LIFR: variants seen among roughly 807,000 people sequenced by gnomAD.
LIFR encodes leukemia inhibitory factor receptor.
LIFR carries 84 observed loss-of-function variants against 122.2 expected under a neutral mutation model. The observed-to-expected ratio is 0.69, with a 90% CI of 0.58 to 0.82. The LOEUF (loss-of-function observed/expected upper bound fraction) is 0.82, where lower values mean the gene tolerates loss of function less well. Ranked by LOEUF, LIFR falls within the 40% of genes least tolerant of loss-of-function variation. LIFR has a pLI of 0.00. For synonymous variants in LIFR, 422 were observed against 434.7 expected (o/e 0.97, Z 0.36); for missense variants, 1,294 against 1,311.6 (o/e 0.99, Z 0.21).
chr5:38,503,351 C>T lies in LIFR; in HGVS notation c.1438-552G>A, dbSNP rs149753693. Among the ~76,000 whole-genome samples, 746 of 152,128 alleles carry T rather than the reference C, an allele frequency of 4.9e-3. 7 individuals carry two copies. The highest frequency in any genetic ancestry group is 0.017 in the African/African-American group (726 of 41,520). On this transcript the variant is annotated intron_variant, in intron 10 of 19. Transcript: ENST00000453190. Reference sequence around the variant, plus strand: ...CTAAGTAAATATAGTTAAAATGAAACATTTCTAAACAAATTTGAATATCTG... The same window carrying T: ...CTAAGTAAATATAGTTAAAATGAAATATTTCTAAACAAATTTGAATATCTG...
At chr5:38,554,780 T>C (rs1185994635) in intron 1 of LIFR, among the ~76,000 whole-genome samples, 2 of 152,262 alleles carry the variant, frequency 1.3e-5, no homozygotes, top group African/African-American at 2.4e-5. Context: ...GTATCTTTTA[T>C]ATCTATTGAA....
chr5:38,497,908 AAAAC>A (rs1391194432), intron 12 of LIFR, among the ~76,000 whole-genome samples: 10 of 152,192 alleles, frequency 6.6e-5, no homozygotes, highest in Non-Finnish European at 1.5e-4. Flanking sequence ...TCACAATACT[AAAAC>A]AAATATTTTG....
Position 38,476,990 on chromosome 5 carries a change from T to A in LIFR, c.*4605A>T, listed in dbSNP as rs994617259. ...TAACCCAATATCATAATTACAAGGA[T>A]CTGGATATATTCTAGACCAAATCAC... On this transcript the variant is annotated 3_prime_UTR_variant, in exon 20 of 20. Transcript: ENST00000453190. 13 of 223,118 alleles carry A rather than the reference T, an allele frequency of 5.8e-5. No individual in the cohort carries two copies. The highest frequency in any genetic ancestry group is 2.9e-4 in the African/African-American group (13 of 44,834). 13.8% of individuals were successfully genotyped at this position (223,118 alleles called of 1,614,324 possible).
upstream of LIFR, among the ~76,000 whole-genome samples, chr5:38,559,877 T>C (rs181881592): frequency 2.0e-5 from 3 of 152,362 alleles, no homozygotes; most frequent in East Asian, 3.9e-4. Context: ...TTTGATAATT[T>C]ATTTTCTTTT....
At chr5:38,593,193 A>C (rs1749986148) in intron 1 of LIFR, among the ~76,000 whole-genome samples, 1 of 152,096 alleles carries the variant, frequency 6.6e-6, no homozygotes, top group Admixed American at 6.6e-5. Context: ...ACAGAGCTAG[A>C]CTCTGTCTCA....
rs1425743060 is a variant in LIFR, at chr5:38,479,386, T to C, written c.*2209A>G. 2 of 230,542 alleles carry C rather than the reference T, an allele frequency of 8.7e-6. No homozygotes were observed. The highest frequency in any genetic ancestry group is 1.7e-5 in the Non-Finnish European group (2 of 116,404). 14.3% of individuals were successfully genotyped at this position (230,542 alleles called of 1,614,324 possible). Reference sequence around the variant, plus strand: ...ACTTTTTTCATACAGAAAAAAACAATGAAGTCTTGGATAGAACGAAAGGAC... The same window carrying C: ...ACTTTTTTCATACAGAAAAAAACAACGAAGTCTTGGATAGAACGAAAGGAC... On this transcript the variant is annotated 3_prime_UTR_variant, in exon 20 of 20. Transcript: ENST00000453190.
At chr5:38,573,892 A>G (rs1187958013) in intron 1 of LIFR, among the ~76,000 whole-genome samples, 1 of 152,074 alleles carries the variant, frequency 6.6e-6, no homozygotes, top group African/African-American at 2.4e-5. Context: ...CCTGAGGGGT[A>G]TAGATCACTT....
rs1300395614 is a variant in LIFR, at chr5:38,506,623, T to C, written c.1001A>G (p.Asp334Gly). ...CTCACAATTCAGTTGTTGAGGAGTA[T>C]CTGGTGGATCTAACAGAAAAAAAAT... ...GTVIFAGYPP[D>G]TPQQLNCETH... Residue 334 changes from aspartate (D) to glycine (G), a missense_variant, in exon 8 of 20, where the codon GAT (aspartate) becomes GGT (glycine). Physicochemically the swap from Asp to Gly is moderately conservative, Grantham distance 94. Coordinates refer to ENST00000453190, the MANE Select transcript of LIFR (RefSeq NM_001127671.2). The C allele has an allele frequency of 6.2e-6, 10 of 1,612,624 alleles. No individual in the cohort carries two copies. Among genetic ancestry groups the C allele is most frequent in the Non-Finnish European group, 8.5e-6 (10 of 1,178,808 alleles).
chr5:38,565,863 C>T (rs965904584), intron 1 of LIFR, among the ~76,000 whole-genome samples: 7 of 152,144 alleles, frequency 4.6e-5, no homozygotes, highest in Non-Finnish European at 7.3e-5. Context: ...GGATTACAGG[C>T]GTGAGCCACT....
In LIFR at chr5:38,481,212, T is replaced by G; in HGVS notation, c.*383A>C. On this transcript the variant is annotated 3_prime_UTR_variant, in exon 20 of 20. Transcript: ENST00000453190. Reference sequence around the variant, plus strand: ...TTTCTCCCTGGCCTGCAAATCCACTTACAATTCCACCAAGTATACACATGA... The same window carrying G: ...TTTCTCCCTGGCCTGCAAATCCACTGACAATTCCACCAAGTATACACATGA... 3.4e-6 allele frequency: 1 copy of G among 294,896 alleles called. No individual in the cohort carries two copies. The highest frequency in any genetic ancestry group is 6.4e-6 in the Non-Finnish European group (1 of 156,206). The allele number at this position is 294,896 out of a possible 1,614,324, so 18.3% of individuals were successfully genotyped here.
At chr5:38,487,610 T>C (rs1744356636) in intron 16 of LIFR, among the ~76,000 whole-genome samples, 1 of 152,212 alleles carries the variant, frequency 6.6e-6, no homozygotes, top group South Asian at 2.1e-4. Context: ...ATTATAACAA[T>C]ATACTGTAAT....
At chr5:38,567,212 G>A (rs1749053127) in intron 1 of LIFR, among the ~76,000 whole-genome samples, 1 of 152,162 alleles carries the variant, frequency 6.6e-6, no homozygotes, top group South Asian at 2.1e-4. Context: ...TTTCCATGTG[G>A]TCTGTTTGGA....
At chr5:38,514,348 A>C (rs560270430) in intron 5 of LIFR, among the ~76,000 whole-genome samples, 5 of 152,194 alleles carry the variant, frequency 3.3e-5, no homozygotes, top group African/African-American at 1.2e-4. Context: ...ATCCACACTA[A>C]GAAACAATGG....
intron 16 of LIFR, among the ~76,000 whole-genome samples, chr5:38,487,110 C>T (rs990843796): frequency 6.6e-6 from 1 of 152,182 alleles, no homozygotes; most frequent in African/African-American, 2.4e-5. Flanking sequence ...CATCCCTTGC[C>T]TCCTGCACTA....
rs1743906812 is a variant in LIFR at position 38,480,065 on chromosome 5, A to T, written c.*1530T>A. On this transcript the variant is annotated 3_prime_UTR_variant, in exon 20 of 20. Transcript: ENST00000453190. Reference sequence around the variant, plus strand: ...AGATACAATATGAGCTTCAAAAAAAATTAATTGATCCATTATTTGCAAATA... The same window carrying T: ...AGATACAATATGAGCTTCAAAAAAATTTAATTGATCCATTATTTGCAAATA... 2 of 225,384 alleles carry T rather than the reference A, an allele frequency of 8.9e-6. No homozygotes were observed. Among genetic ancestry groups the T allele is most frequent in the African/African-American group, 4.5e-5 (2 of 44,858 alleles). 14.0% of individuals were successfully genotyped at this position (225,384 alleles called of 1,614,324 possible). A position where few individuals can be genotyped will look rare whatever the true frequency, so the allele number is the denominator to read the frequency against.
chr5:38,518,984 TTAAA>T (rs1157310017), intron 5 of LIFR, among the ~76,000 whole-genome samples: 1 of 152,196 alleles, frequency 6.6e-6, no homozygotes, highest in Non-Finnish European at 1.5e-5. Flanking sequence ...AAAATAATTT[TTAAA>T]AATACAAAAA....
chr5:38,599,013 G>A (rs1750175719), upstream of LIFR, among the ~76,000 whole-genome samples: 1 of 152,148 alleles, frequency 6.6e-6, no homozygotes, highest in Non-Finnish European at 1.5e-5. Flanking sequence ...TTGAGGAATG[G>A]GTATAACCTT....
chr5:38,554,677 G>A (rs888240936), intron 1 of LIFR, among the ~76,000 whole-genome samples: 1 of 152,070 alleles, frequency 6.6e-6, no homozygotes, highest in Non-Finnish European at 1.5e-5. Flanking sequence ...AAAAGAACAC[G>A]TACAGAATGT....
chr5:38,597,868 G>T (rs761853591), upstream of LIFR, among the ~76,000 whole-genome samples: 1 of 152,182 alleles, frequency 6.6e-6, no homozygotes, highest in Non-Finnish European at 1.5e-5. Flanking sequence ...GTTGTTGAGT[G>T]GGGGTGCATG....
Sources: gnomAD v4.1 joint callset for allele counts (sites outside exome capture counted in the v4.1 genomes callset) on GRCh38, gnomAD v4.1.1 for gene constraint, MANE v1.5 for transcripts, NCBI Gene and HGNC (gene_info 2026-07-23, HGNC 2026-07-21) for gene names.